Variants in KDM2B observed in about 807,000 individuals in gnomAD.
The protein encoded by KDM2B is lysine-specific demethylase 2B.
Under a neutral mutation model 150.0 loss-of-function variants are expected in KDM2B, and 26 were observed. The observed-to-expected ratio is 0.17, with a 90% confidence interval of 0.13 to 0.24. The LOEUF (loss-of-function observed/expected upper bound fraction) is 0.24, where lower values mean the gene tolerates loss of function less well. KDM2B is among the 10% of genes least tolerant of loss of function. The probability of loss-of-function intolerance (pLI) is 1.00; values close to 1 mark genes in which losing one functional copy is unlikely to be tolerated. For synonymous variants in KDM2B, 734 were observed against 729.5 expected (o/e 1.01, Z -0.10); for missense variants, 1,265 against 1,816.9 (o/e 0.70, Z 5.52).
At chr12:121,421,574 A>G in the KDM2B span, among the ~76,000 whole-genome samples, 4 of 152,042 alleles carry the variant, frequency 2.6e-5, no homozygotes, top group African/African-American at 9.7e-5. Context: ...TCTCAACTAT[A>G]CATTGATGAA....
At chr12:121,501,900 C>T (rs556556124) in intron 11 of KDM2B, among the ~76,000 whole-genome samples, 107 of 152,250 alleles carry the variant, frequency 7.0e-4, no homozygotes, top group African/African-American at 2.4e-3. Context: ...AGATGATAGG[C>T]GTGAGCCACC....
intron 12 of KDM2B, among the ~76,000 whole-genome samples, chr12:121,473,242 A>C (rs950398810): frequency 2.0e-5 from 3 of 152,002 alleles, no homozygotes; most frequent in Admixed American, 1.3e-4. Context: ...ACTACAAAAA[A>C]TTAGCCGGGT....
At chr12:121,564,140 A>G (rs925687738) in intron 4 of KDM2B, among the ~76,000 whole-genome samples, 1 of 151,854 alleles carries the variant, frequency 6.6e-6, no homozygotes, top group Non-Finnish European at 1.5e-5. Context: ...TCTAGGTCCC[A>G]ATCAGTGCAA....
upstream of KDM2B, among the ~76,000 whole-genome samples, chr12:121,581,860 TAA>T (rs1891978217): frequency 6.6e-6 from 1 of 152,202 alleles, no homozygotes; most frequent in African/African-American, 2.4e-5. Context: ...TTGGCCGTCC[TAA>T]GAGACAGCTT....
chr12:121,530,081 A>C (rs1555307592), intron 8 of KDM2B, among the ~76,000 whole-genome samples: 3 of 151,524 alleles, frequency 2.0e-5, no homozygotes, highest in Non-Finnish European at 4.4e-5. Flanking sequence ...ACAAAAAATT[A>C]GCCAGGCATG....
At chr12:121,572,510 C>T (rs935226139) in intron 4 of KDM2B, among the ~76,000 whole-genome samples, 1 of 152,322 alleles carries the variant, frequency 6.6e-6, no homozygotes, top group East Asian at 1.9e-4. Flanking sequence ...TGATTCTCAT[C>T]AGTCAGGTCT....
At chr12:121,581,995 C>T (rs1392771957), upstream of KDM2B, among the ~76,000 whole-genome samples, 2 of 152,198 alleles carry the variant, frequency 1.3e-5, no homozygotes, top group African/African-American at 4.8e-5. Context: ...ATCTTTTAAG[C>T]AGGGATGAGG....
rs202189565 is a variant in KDM2B at position 121,504,517 on chromosome 12, A to AGAGT, written c.1647+5046_1647+5049dup. On this transcript the variant is annotated intron_variant, in intron 11 of 22. Coordinates refer to ENST00000377071, the MANE Select transcript of KDM2B (RefSeq NM_032590.5). ...GCCACTGTACTCCAGGCTGGGTGAC[A>AGAGT]GAGTGAGACCCCCATCTCAAAAAAA... is the stretch of plus-strand genomic sequence containing the variant. Among the ~76,000 whole-genome samples, 759 of 152,238 alleles carry AGAGT rather than the reference A, an allele frequency of 5.0e-3. 24 individuals are homozygous for AGAGT. The highest frequency in any genetic ancestry group is 0.044 in the Admixed American group (671 of 15,252).
chr12:121,565,916 C>T (rs1367491306), intron 4 of KDM2B, among the ~76,000 whole-genome samples: 1 of 151,382 alleles, frequency 6.6e-6, no homozygotes, highest in African/African-American at 2.4e-5. Context: ...TGTGAGCCAC[C>T]GTGCCCGGCC....
intron 12 of KDM2B, among the ~76,000 whole-genome samples, chr12:121,460,125 AC>A (rs1335767640): frequency 6.6e-6 from 1 of 152,030 alleles, no homozygotes; most frequent in Non-Finnish European, 1.5e-5. Flanking sequence ...TCATTCATTA[AC>A]CCCCTAATTC....
chr12:121,414,329 T>C, the KDM2B span, among the ~76,000 whole-genome samples: 1 of 152,272 alleles, frequency 6.6e-6, no homozygotes, highest in Non-Finnish European at 1.5e-5. Context: ...GCCTATTCGT[T>C]CTAAACACTA....
At chr12:121,564,057 GTGAGC>G (rs1224418444) in intron 4 of KDM2B, among the ~76,000 whole-genome samples, 3 of 152,046 alleles carry the variant, frequency 2.0e-5, no homozygotes, top group African/African-American at 7.2e-5. Context: ...TGAGGCGGCA[GTGAGC>G]TGTAATCACA....
chr12:121,460,439 C>T (rs1878947077), intron 12 of KDM2B, among the ~76,000 whole-genome samples: 1 of 152,212 alleles, frequency 6.6e-6, no homozygotes, highest in Non-Finnish European at 1.5e-5. Context: ...CGCTCTGTCA[C>T]CCAGGCTGGA....
At position 121,521,347 on chromosome 12, in the gene KDM2B, C is replaced by T. The variant is rs1886674575; in HGVS notation, c.932-247G>A. Among the ~76,000 whole-genome samples the T allele has an allele frequency of 6.6e-6, 1 of 152,174 alleles. No homozygotes were observed. The highest frequency in any genetic ancestry group is 1.5e-5 in the Non-Finnish European group (1 of 68,032). On this transcript the variant is annotated intron_variant, in intron 8 of 22. Coordinates refer to ENST00000377071, the MANE Select transcript of KDM2B (RefSeq NM_032590.5). The surrounding 1 kb of genome is among the most constrained non-coding windows in gnomAD (Gnocchi z 4.9). ...GCTCAAGTCAGGAGCTGGGAAGCTGCAGATCAGCCCCCACTTCTTGAGGAC... is the reference window on the plus strand; with the variant it reads ...GCTCAAGTCAGGAGCTGGGAAGCTGTAGATCAGCCCCCACTTCTTGAGGAC...
chr12:121,447,938 T>G (rs1488716545), intron 13 of KDM2B, among the ~76,000 whole-genome samples: 1 of 152,026 alleles, frequency 6.6e-6, no homozygotes, highest in Non-Finnish European at 1.5e-5. Context: ...ATTGCAGGCA[T>G]TAGCCACCGC....
intron 8 of KDM2B, among the ~76,000 whole-genome samples, chr12:121,523,129 G>T (rs1336960486): frequency 2.6e-5 from 4 of 152,244 alleles, no homozygotes; most frequent in Non-Finnish European, 5.9e-5. Flanking sequence ...GGGCACAAAG[G>T]GGGAAGCCAC....
At chr12:121,530,866 G>A (rs934298525) in intron 8 of KDM2B, among the ~76,000 whole-genome samples, 1 of 152,094 alleles carries the variant, frequency 6.6e-6, no homozygotes, top group East Asian at 1.9e-4. Flanking sequence ...TGGACAGAGA[G>A]ACTTAAGGCC....
At position 121,512,295 on chromosome 12, in the gene KDM2B, A is replaced by C. The variant is rs1026702791; in HGVS notation, c.1174+981T>G. Among the ~76,000 whole-genome samples the C allele has an allele frequency of 8.5e-5, 13 of 152,238 alleles. No homozygotes were observed. The East Asian group carries it at 1.9e-3, about 23-fold the overall frequency. On this transcript the variant is annotated intron_variant, in intron 10 of 22. Coordinates refer to ENST00000377071, the MANE Select transcript of KDM2B (RefSeq NM_032590.5). The stretch of plus-strand genomic sequence containing the variant: ...GGGAATGAGGCTCGCGACAGACCTC[A>C]CAGGCAAAGACTTCCCAGTGAAGGC...
the KDM2B span, chr12:121,417,581 T>C: frequency 6.2e-7 from 1 of 1,613,984 alleles, no homozygotes. This position sits in a 1 kb window ranked among gnomAD's most constrained non-coding sequence, Gnocchi z 5.0. Flanking sequence ...GATGTTCTAC[T>C]TGTCACTTAT....
Sources: allele counts gnomAD v4.1 joint callset (sites outside exome capture counted in the v4.1 genomes callset), GRCh38; gene constraint gnomAD v4.1.1; non-coding constraint Gnocchi (gnomAD v3.1); transcripts MANE v1.5; gene names NCBI Gene and HGNC (gene_info 2026-07-23, HGNC 2026-07-21).